The following RFX3 variants were observed in gnomAD, a reference collection of about 807,000 sequenced individuals.
RFX3 encodes the protein regulatory factor X3.
In RFX3, 14 loss-of-function variants were observed where a neutral mutation model predicts 98.6. The observed-to-expected ratio is 0.14, with a 90% CI of 0.09 to 0.22. The LOEUF (loss-of-function observed/expected upper bound fraction) is 0.22, where lower values mean the gene tolerates loss of function less well. Among genes scored for constraint, RFX3 ranks in the 10% least tolerant of loss-of-function variants. The pLI is 1.00. For missense variants in RFX3, 639 were observed against 926.9 expected (o/e 0.69, Z 4.03); for synonymous variants, 383 against 328.4 (o/e 1.17, Z -1.80).
intron 1 of RFX3, among the ~76,000 whole-genome samples, chr9:3,481,935 T>C (rs1053016322): frequency 2.0e-5 from 3 of 152,144 alleles, no homozygotes; most frequent in Non-Finnish European, 4.4e-5. Context: ...ATTAAAGCAT[T>C]ATTGCTGGGC....
chr9:3,488,512 T>C (rs1850462094), intron 1 of RFX3, among the ~76,000 whole-genome samples: 1 of 152,148 alleles, frequency 6.6e-6, no homozygotes, highest in Non-Finnish European at 1.5e-5. Flanking sequence ...CTCAAATGGT[T>C]TGAGAAATAT....
chr9:3,254,630 C>T (rs1309886799), intron 14 of RFX3, among the ~76,000 whole-genome samples: 2 of 151,886 alleles, frequency 1.3e-5, no homozygotes, highest in Non-Finnish European at 1.5e-5. Flanking sequence ...CTCCACCTCC[C>T]AGGTTCACAC....
At chr9:3,326,030 A>T (rs1389304091) in intron 4 of RFX3, among the ~76,000 whole-genome samples, 3 of 152,164 alleles carry the variant, frequency 2.0e-5, no homozygotes, top group Non-Finnish European at 4.4e-5. Flanking sequence ...GTCGCAACTT[A>T]GCTGAACCCA....
intron 1 of RFX3, among the ~76,000 whole-genome samples, chr9:3,513,120 A>G (rs1262878994): frequency 2.0e-5 from 3 of 152,152 alleles, no homozygotes; most frequent in Non-Finnish European, 4.4e-5. Context: ...CTAAATATAC[A>G]TTGATATAAA....
At chr9:3,396,040 ATTTCT>A (rs1444389721) in intron 1 of RFX3, among the ~76,000 whole-genome samples, 5 of 150,894 alleles carry the variant, frequency 3.3e-5, no homozygotes, top group Non-Finnish European at 7.4e-5. Flanking sequence ...AGAGTAAATC[ATTTCT>A]TTTTTTTTTT....
At chr9:3,343,377 A>G (rs986156314) in intron 3 of RFX3, among the ~76,000 whole-genome samples, 1 of 152,206 alleles carries the variant, frequency 6.6e-6, no homozygotes, top group East Asian at 1.9e-4. Flanking sequence ...CTGTGATCCA[A>G]GTCAGGGATC....
chr9:3,341,195 A>T (rs1833847888), intron 3 of RFX3, among the ~76,000 whole-genome samples: 1 of 151,802 alleles, frequency 6.6e-6, no homozygotes, highest in Non-Finnish European at 1.5e-5. Flanking sequence ...ACAGGCGGGA[A>T]TTGAACAATG....
chr9:3,299,761 ATC>A (rs1421816693), intron 5 of RFX3, among the ~76,000 whole-genome samples: 3 of 151,842 alleles, frequency 2.0e-5, no homozygotes, highest in African/African-American at 4.8e-5. Context: ...ATTGTTAAAA[ATC>A]TCTAACAGTT....
At chr9:3,430,624 A>G (rs1043504373) in intron 1 of RFX3, among the ~76,000 whole-genome samples, 2 of 152,216 alleles carry the variant, frequency 1.3e-5, no homozygotes, top group Non-Finnish European at 2.9e-5. Context: ...AATTGTGTCC[A>G]TCACAAAATC....
intron 1 of RFX3, among the ~76,000 whole-genome samples, chr9:3,416,216 T>C (rs547464945): frequency 1.3e-5 from 2 of 152,278 alleles, no homozygotes; most frequent in Admixed American, 6.5e-5. Context: ...ACAATCAAGA[T>C]AGAAATAAAG....
chr9:3,341,911 G>A (rs372683749), intron 3 of RFX3, among the ~76,000 whole-genome samples: 1 of 152,262 alleles, frequency 6.6e-6, no homozygotes, highest in South Asian at 2.1e-4. Context: ...TTCTCTTAAG[G>A]AGACAGCATT....
intron 4 of RFX3, among the ~76,000 whole-genome samples, chr9:3,326,663 T>C (rs1831957122): frequency 6.6e-6 from 1 of 152,148 alleles, no homozygotes; most frequent in African/African-American, 2.4e-5. Context: ...AAGGACATGA[T>C]CTCGTTCTTT....
intron 4 of RFX3, among the ~76,000 whole-genome samples, chr9:3,320,098 T>C (rs1288537026): frequency 6.6e-6 from 1 of 152,232 alleles, no homozygotes; most frequent in East Asian, 1.9e-4. Context: ...AGGATTTGCT[T>C]TATCTACATG....
At chr9:3,397,310 G>A (rs1273362909) in intron 1 of RFX3, among the ~76,000 whole-genome samples, 1 of 152,232 alleles carries the variant, frequency 6.6e-6, no homozygotes, top group African/African-American at 2.4e-5. Context: ...AATGGAGCAA[G>A]AGAAACAGTG....
intron 11 of RFX3, among the ~76,000 whole-genome samples, chr9:3,266,578 A>G (rs1823661376): frequency 6.6e-6 from 1 of 152,064 alleles, no homozygotes; most frequent in South Asian, 2.1e-4. Flanking sequence ...GCTTACAGCA[A>G]CATATACCAG....
chr9:3,354,917 G>C (rs778302562), intron 2 of RFX3, among the ~76,000 whole-genome samples: 6 of 151,720 alleles, frequency 4.0e-5, no homozygotes, highest in Non-Finnish European at 7.4e-5. Flanking sequence ...ACAATGCCTA[G>C]TGGGGCTTAC....
chr9:3,318,769 T>C (rs1486432873), intron 4 of RFX3, among the ~76,000 whole-genome samples: 6 of 152,176 alleles, frequency 3.9e-5, no homozygotes, highest in Admixed American at 2.6e-4. Context: ...TGTACCAAAG[T>C]TGTAACCTGA....
At chr9:3,461,953 T>C (rs1301599160) in intron 1 of RFX3, among the ~76,000 whole-genome samples, 1 of 152,042 alleles carries the variant, frequency 6.6e-6, no homozygotes, top group Admixed American at 6.6e-5. Flanking sequence ...AGATATTTCT[T>C]ATTTCAGTCA....
chr9:3,311,036 A>G (rs754678171), intron 4 of RFX3, among the ~76,000 whole-genome samples: 2 of 152,224 alleles, frequency 1.3e-5, no homozygotes, highest in Non-Finnish European at 2.9e-5. Flanking sequence ...TTAAATTTTA[A>G]TTATAAAAAC....
Sources: allele counts gnomAD v4.1 joint callset (sites outside exome capture counted in the v4.1 genomes callset), GRCh38; gene constraint gnomAD v4.1.1; transcripts MANE v1.5; gene names NCBI Gene and HGNC (gene_info 2026-07-23, HGNC 2026-07-21).